Variants in ARRDC5 observed in about 807,000 individuals in gnomAD.
The protein encoded by ARRDC5 is arrestin domain-containing protein 5.
A neutral mutation model predicts 13.3 loss-of-function variants in ARRDC5; 12 were observed. That is an observed-to-expected ratio of 0.90 (90% CI 0.58 to 1.46). The LOEUF is 1.46. Among genes scored for constraint, ARRDC5 ranks in the 40% most tolerant of loss-of-function variants. ARRDC5 has a pLI of 0.00. For missense variants in ARRDC5, 406 were observed against 418.7 expected (o/e 0.97, Z 0.26); for synonymous variants, 181 against 173.4 (o/e 1.04, Z -0.34).
chr19:4,915,384 G>T, the ARRDC5 span, among the ~76,000 whole-genome samples: 1 of 152,200 alleles, frequency 6.6e-6, no homozygotes, highest in South Asian at 2.1e-4. Context: ...CTGTAAACCG[G>T]TGGGCGTGGC....
intron 1 of ARRDC5, among the ~76,000 whole-genome samples, chr19:4,899,893 T>G (rs1435089923): frequency 6.7e-6 from 1 of 149,080 alleles, no homozygotes; most frequent in African/African-American, 2.5e-5. Flanking sequence ...GAGCCAAGAT[T>G]GCACCACTGC....
chr19:4,894,185 G>C (rs2031619333), intron 2 of ARRDC5, among the ~76,000 whole-genome samples: 1 of 151,206 alleles, frequency 6.6e-6, no homozygotes. Context: ...GACCATCCTG[G>C]CTAACACGGT....
intron 2 of ARRDC5, among the ~76,000 whole-genome samples, chr19:4,896,405 C>CACACACAT (rs539564532): frequency 4.7e-5 from 5 of 106,388 alleles, no homozygotes; most frequent in Middle Eastern, 5.3e-3. Flanking sequence ...CACACACACA[C>CACACACAT]ATATATATAA....
chr19:4,897,227 G>A (rs2031767447), intron 1 of ARRDC5, among the ~76,000 whole-genome samples: 1 of 152,162 alleles, frequency 6.6e-6, no homozygotes, highest in African/African-American at 2.4e-5. Context: ...AAAGTGCTGG[G>A]GTTACAGGCG....
the ARRDC5 span, among the ~76,000 whole-genome samples, chr19:4,909,032 C>T: frequency 6.6e-6 from 1 of 152,184 alleles, no homozygotes; most frequent in African/African-American, 2.4e-5. Flanking sequence ...CTGGCAGGCC[C>T]TGACGCCAGG....
the ARRDC5 span, among the ~76,000 whole-genome samples, chr19:4,908,067 C>T: frequency 2.1e-3 from 321 of 152,278 alleles, 2 homozygotes; most frequent in Non-Finnish European, 2.2e-3. Context: ...TTGACTTTGA[C>T]CTTTTGTATC....
chr19:4,896,403 C>CATATATAT (rs1480046737), intron 2 of ARRDC5, among the ~76,000 whole-genome samples: 3 of 108,346 alleles, frequency 2.8e-5, no homozygotes, highest in Non-Finnish European at 5.6e-5. Context: ...CACACACACA[C>CATATATAT]ACATATATAT....
chr19:4,911,077 C>T, the ARRDC5 span: 6 of 1,487,442 alleles, frequency 4.0e-6, no homozygotes, highest in African/African-American at 1.4e-5. Context: ...ATGCCTGGTC[C>T]AGGCCTCGCG....
the ARRDC5 span, chr19:4,911,182 A>G: frequency 4.7e-5 from 36 of 761,722 alleles, no homozygotes; most frequent in Middle Eastern, 1.6e-3. Flanking sequence ...GGAGAAGTCC[A>G]CAGAAACCTC....
chr19:4,899,118 G>A (rs1443844201), intron 1 of ARRDC5, among the ~76,000 whole-genome samples: 3 of 150,664 alleles, frequency 2.0e-5, no homozygotes, highest in African/African-American at 7.3e-5. Context: ...GACCATCCTG[G>A]CAAACACGGT....
the ARRDC5 span, among the ~76,000 whole-genome samples, chr19:4,916,321 C>T: frequency 4.0e-5 from 6 of 151,504 alleles, no homozygotes; most frequent in African/African-American, 1.5e-4. Flanking sequence ...AAAAAAAAAC[C>T]AAATAAATTG....
At position 4,896,686 on chromosome 19, in the gene ARRDC5, T is replaced by C. The variant is rs899535090; in HGVS notation, c.444A>G (p.Lys148=). The part of the protein sequence containing the change: ...LLVQGTSTFH[K]ETPFQNPLFV... ...CCATCGGTACCTGGAATGGGGTTTCTTTGTGGAAGGTGGAAGTTCCTTGAA... is the reference window on the plus strand; with the variant it reads ...CCATCGGTACCTGGAATGGGGTTTCCTTGTGGAAGGTGGAAGTTCCTTGAA... The change falls in exon 2 of 3, where the codon AAA becomes AAG. Residue 148 remains lysine, a synonymous_variant. Coordinates refer to ENST00000650722, the MANE Select transcript of ARRDC5 (RefSeq NM_001080523.3). 1 of 1,613,028 alleles carries C rather than the reference T, an allele frequency of 6.2e-7. No individual in the cohort carries two copies. Among genetic ancestry groups the C allele is most frequent in the Non-Finnish European group, 8.5e-7 (1 of 1,179,114 alleles).
chr19:4,911,966 T>G, the ARRDC5 span, among the ~76,000 whole-genome samples: 1 of 152,176 alleles, frequency 6.6e-6, no homozygotes, highest in East Asian at 1.9e-4. Flanking sequence ...TGCTGCCATC[T>G]GGTGTCTAGG....
rs533973592 is a variant in ARRDC5 at position 4,893,454 on chromosome 19, C to T, written c.460-1881G>A. ...CTGGGAGACTGAGGTTGCAGTGAGGCTGAGATCCAGCCCTGCACTCCAGCC... is the reference window on the plus strand; with the variant it reads ...CTGGGAGACTGAGGTTGCAGTGAGGTTGAGATCCAGCCCTGCACTCCAGCC... On this transcript the variant is annotated intron_variant, in intron 2 of 2. Transcript: ENST00000650722. Among the ~76,000 whole-genome samples, 15 of 149,414 alleles carry T rather than the reference C, an allele frequency of 1.0e-4. No homozygotes were observed. The East Asian group carries it at 2.9e-3, about 29-fold the overall frequency.
At chr19:4,897,862 G>A (rs1474002883) in intron 1 of ARRDC5, among the ~76,000 whole-genome samples, 13 of 152,184 alleles carry the variant, frequency 8.5e-5, no homozygotes, top group African/African-American at 2.4e-4. Flanking sequence ...CAAGGCGGGC[G>A]GATCACCTGA....
At position 4,891,374 on chromosome 19, in the gene ARRDC5, C is replaced by A. The variant is rs960919055; in HGVS notation, c.659G>T (p.Gly220Val). 6 of 1,613,596 alleles carry A rather than the reference C, an allele frequency of 3.7e-6. No homozygotes were observed. In the African/African-American group the frequency reaches 4.0e-5, roughly 11 times the overall value. ...CCGCCGCTCTGCACTGGGCGTGAAGCCCTCGTACTGTATGTGGGCATACAG... is the reference window on the plus strand; with the variant it reads ...CCGCCGCTCTGCACTGGGCGTGAAGACCTCGTACTGTATGTGGGCATACAG... ...FALYAHIQYE[G>V]FTPSAERRSR... The change falls in exon 3 of 3, where the codon GGC (glycine) becomes GTC (valine). Residue 220 changes from glycine to valine, a missense_variant. Gly to Val is a moderately radical substitution (Grantham distance 109). Transcript: ENST00000650722.
At chr19:4,909,729 C>T in the ARRDC5 span, 4 of 490,962 alleles carry the variant, frequency 8.1e-6, no homozygotes, top group Non-Finnish European at 1.4e-5. Context: ...CAAAACTTTC[C>T]CGCGCGGCCA....
intron 2 of ARRDC5, among the ~76,000 whole-genome samples, chr19:4,895,610 A>G (rs975330284): frequency 2.0e-5 from 3 of 152,062 alleles, no homozygotes; most frequent in Admixed American, 2.0e-4. Flanking sequence ...GAAGGGATCC[A>G]GAACGAGTCC....
chr19:4,913,557 G>A, the ARRDC5 span, among the ~76,000 whole-genome samples: 48 of 151,952 alleles, frequency 3.2e-4, no homozygotes, highest in African/African-American at 1.1e-3. Flanking sequence ...ACCCAGCCAC[G>A]TACATTGTGC....
Sources: gnomAD v4.1 joint callset for allele counts (sites outside exome capture counted in the v4.1 genomes callset) on GRCh38, gnomAD v4.1.1 for gene constraint, MANE v1.5 for transcripts, NCBI Gene and HGNC (gene_info 2026-07-23, HGNC 2026-07-21) for gene names.